Variants in MERTK observed in about 807,000 individuals in gnomAD.
MERTK encodes tyrosine-protein kinase Mer.
A neutral mutation model predicts 99.3 loss-of-function variants in MERTK; 69 were observed. The observed-to-expected ratio is 0.70, with a 90% confidence interval of 0.57 to 0.85. The LOEUF (loss-of-function observed/expected upper bound fraction) is 0.85. Among genes scored for constraint, MERTK ranks in the 40% least tolerant of loss-of-function variants. MERTK has a pLI of 0.00. For missense variants in MERTK, 1,125 were observed against 1,249.4 expected (o/e 0.90, Z 1.50); for synonymous variants, 426 against 467.6 (o/e 0.91, Z 1.15).
At chr2:112,004,737 C>A (rs4848241) in intron 13 of MERTK, among the ~76,000 whole-genome samples, 31,900 of 152,036 alleles carry the variant, frequency 0.21, 4,021 homozygotes, top group Middle Eastern at 0.36. Context: ...TGGTGAAACC[C>A]CGTCTCCACT....
chr2:111,940,498 G>A, intron 2 of MERTK: 1 of 585,836 alleles, frequency 1.7e-6, no homozygotes, highest in Non-Finnish European at 3.4e-6. Flanking sequence ...TAAAGCAACA[G>A]GCAAGCCCTC....
chr2:111,970,026 G>GT (rs1020454104), intron 6 of MERTK, among the ~76,000 whole-genome samples: 11 of 151,480 alleles, frequency 7.3e-5, no homozygotes, highest in South Asian at 4.2e-4. Flanking sequence ...TTTGTTTTTT[G>GT]TTTTTTTTCC....
At chr2:111,925,725 G>A (rs183580247) in intron 1 of MERTK, among the ~76,000 whole-genome samples, 3 of 152,064 alleles carry the variant, frequency 2.0e-5, no homozygotes, top group South Asian at 2.1e-4. Flanking sequence ...ACTTTGTTTG[G>A]TGAACAGCTT....
chr2:112,023,316 AG>A (rs1217887451), intron 18 of MERTK, among the ~76,000 whole-genome samples: 2 of 152,146 alleles, frequency 1.3e-5, no homozygotes, highest in East Asian at 1.9e-4. Flanking sequence ...CGGGAGGCTG[AG>A]GCAGGAGAAT....
chr2:111,905,879 G>A (rs760493412), intron 1 of MERTK, among the ~76,000 whole-genome samples: 1 of 152,186 alleles, frequency 6.6e-6, no homozygotes, highest in African/African-American at 2.4e-5. Context: ...GAGTCTTGGA[G>A]GTGGCAGGCA....
In MERTK at chr2:111,898,795, A is replaced by T. The variant is rs35898499; in HGVS notation, c.60A>T (p.Arg20Ser). 0.041 allele frequency: 64,669 copies of T among 1,591,892 alleles called. 1,690 individuals carry two copies. Among genetic ancestry groups the T allele is most frequent in the Middle Eastern group, 0.075 (448 of 5,958 alleles). The part of the protein sequence containing the change: ...LGLFLPALWR[R>S]AITEAREEAK... ...TCTTCCTCCCCGCGCTCTGGCGTAG[A>T]GGTGAGTGCGCCCGGCTGGGGGCCA... The change falls in exon 1 of 19, where the codon AGA (arginine) becomes AGT (serine). Residue 20 changes from arginine to serine, a missense_variant and splice_region_variant. Transcript: ENST00000295408.
chr2:111,957,471 C>T (rs376306991), intron 4 of MERTK, among the ~76,000 whole-genome samples: 1 of 152,120 alleles, frequency 6.6e-6, no homozygotes, highest in Non-Finnish European at 1.5e-5. Flanking sequence ...GATACCCCCC[C>T]GCCCATCATT....
At chr2:111,919,346 T>C (rs1386806201) in intron 1 of MERTK, among the ~76,000 whole-genome samples, 1 of 144,938 alleles carries the variant, frequency 6.9e-6, no homozygotes, top group Non-Finnish European at 1.5e-5. Flanking sequence ...ATTAGAATCA[T>C]AAGAGGAGAT....
intron 4 of MERTK, among the ~76,000 whole-genome samples, chr2:111,957,035 G>A (rs1195122035): frequency 6.7e-6 from 1 of 149,202 alleles, no homozygotes; most frequent in African/African-American, 2.5e-5. Flanking sequence ...TCACGCCATT[G>A]TCCTGCCTCA....
At chr2:111,958,807 A>G (rs1045579082) in intron 4 of MERTK, among the ~76,000 whole-genome samples, 1 of 152,112 alleles carries the variant, frequency 6.6e-6, no homozygotes, top group Non-Finnish European at 1.5e-5. Flanking sequence ...ATCTGCTACT[A>G]TAGGATCCTA....
intron 4 of MERTK, among the ~76,000 whole-genome samples, chr2:111,959,841 G>C (rs933248601): frequency 2.6e-5 from 4 of 152,242 alleles, no homozygotes; most frequent in African/African-American, 7.2e-5. Flanking sequence ...CAGAGTTCTT[G>C]TTTATGTGGG....
chr2:112,001,124 T>TA, intron 10 of MERTK, 77 bp from the exon 11 acceptor site: 2 of 1,101,062 alleles, frequency 1.8e-6, no homozygotes, highest in South Asian at 1.2e-5. Context: ...GGAAGCTCTG[T>TA]AGCATCCTTG....
intron 8 of MERTK, among the ~76,000 whole-genome samples, chr2:111,983,207 CT>C (rs148239085): frequency 4.3e-4 from 66 of 152,018 alleles, no homozygotes; most frequent in African/African-American, 1.6e-3. Flanking sequence ...TCCTCACTTA[CT>C]CATTCATTCA....
At chr2:112,017,033 G>A (rs1056294120) in intron 15 of MERTK, among the ~76,000 whole-genome samples, 3 of 152,202 alleles carry the variant, frequency 2.0e-5, no homozygotes, top group Non-Finnish European at 4.4e-5. Context: ...AAGAGTGAAA[G>A]AACAAAGCTT....
intron 8 of MERTK, among the ~76,000 whole-genome samples, chr2:111,989,376 A>G (rs1676561682): frequency 7.5e-6 from 1 of 132,846 alleles, no homozygotes; most frequent in African/African-American, 3.0e-5. Context: ...TTTTTTTTTC[A>G]GACAGAGTCT....
chr2:111,959,652 T>C (rs1423680341), intron 4 of MERTK, among the ~76,000 whole-genome samples: 1 of 152,088 alleles, frequency 6.6e-6, no homozygotes, highest in East Asian at 1.9e-4. Flanking sequence ...TTTTGTGTTT[T>C]TTGTAGAGAT....
chr2:111,938,284 A>G (rs1684798855), intron 2 of MERTK, among the ~76,000 whole-genome samples: 3 of 151,800 alleles, frequency 2.0e-5, no homozygotes, highest in African/African-American at 2.4e-5. Flanking sequence ...ATTTGTAGAG[A>G]CAGGGTTTTG....
intron 1 of MERTK, among the ~76,000 whole-genome samples, chr2:111,905,804 A>G (rs149667656): frequency 1.3e-5 from 2 of 152,112 alleles, no homozygotes; most frequent in Non-Finnish European, 2.9e-5. Flanking sequence ...ATTTTATTTC[A>G]TCCTTCTTGG....
At chr2:112,016,008 T>A (rs1573643193) in intron 15 of MERTK, among the ~76,000 whole-genome samples, 3 of 152,336 alleles carry the variant, frequency 2.0e-5, no homozygotes, top group South Asian at 2.1e-4. Context: ...CTGTTCTGTT[T>A]CATTAAACTC....
Sources: allele counts gnomAD v4.1 joint callset (sites outside exome capture counted in the v4.1 genomes callset), GRCh38; gene constraint gnomAD v4.1.1; transcripts MANE v1.5; gene names NCBI Gene and HGNC (gene_info 2026-07-23, HGNC 2026-07-21).